Variants in NUGGC observed in about 807,000 individuals in gnomAD.
NUGGC encodes the protein nuclear GTPase, germinal center associated.
In NUGGC, 58 loss-of-function variants were observed where a neutral mutation model predicts 92.6. That is an observed-to-expected ratio of 0.63 (90% confidence interval 0.51 to 0.78). The LOEUF (loss-of-function observed/expected upper bound fraction) is 0.78, where lower values mean the gene tolerates loss of function less well. NUGGC is among the 30% of genes least tolerant of loss of function. The pLI, the probability that NUGGC is intolerant of heterozygous loss-of-function variation, is 0.00. For missense variants in NUGGC, 925 were observed against 964.6 expected (o/e 0.96, Z 0.54); for synonymous variants, 376 against 366.4 (o/e 1.03, Z -0.30).
Position 28,030,370 on chromosome 8 carries a change from T to G in NUGGC, c.1957A>C (p.Arg653=). 1 of 1,582,468 alleles carries G rather than the reference T, an allele frequency of 6.3e-7. No homozygotes were observed. The highest frequency in any genetic ancestry group is 1.2e-5 in the South Asian group (1 of 86,062). ...GLEDHILRRK[R]RIYESLTASV... Reference sequence around the variant, plus strand: ...GCAGTGAGGGACTCGTAGATCCTCCTCTTCCTTCTGAGGATGTGGTCCTCC... The same window carrying G: ...GCAGTGAGGGACTCGTAGATCCTCCGCTTCCTTCTGAGGATGTGGTCCTCC... The change falls in exon 16 of 19, where the codon AGG becomes CGG. Residue 653 remains arginine, a synonymous_variant. Transcript: ENST00000413272.
intron 2 of NUGGC, 38 bp from the exon 3 acceptor site, chr8:28,070,394 TG>T (rs1810558733): frequency 4.4e-6 from 5 of 1,131,250 alleles, no homozygotes; most frequent in Middle Eastern, 2.5e-4. Context: ...TTATAGGTGT[TG>T]GGGTATGGTA....
chr8:28,074,073 A>G (rs1415344528), intron 2 of NUGGC, among the ~76,000 whole-genome samples: 2 of 150,098 alleles, frequency 1.3e-5, no homozygotes, highest in Non-Finnish European at 3.0e-5. Flanking sequence ...TGCTGGGATT[A>G]CAGGTGTGAG....
At chr8:28,069,397 G>T (rs541280462) in intron 4 of NUGGC, 147 bp downstream of exon 4, 2 of 580,216 alleles carry the variant, frequency 3.4e-6, no homozygotes, top group Non-Finnish European at 6.1e-6. Flanking sequence ...TCAATGAATG[G>T]CAACTATCCC....
Position 28,067,564 on chromosome 8 carries a change from G to A in NUGGC, c.661C>T (p.Pro221Ser). 6.2e-7 allele frequency: 1 copy of A among 1,613,196 alleles called. No individual in the cohort carries two copies. Among genetic ancestry groups the A allele is most frequent in the East Asian group, 2.2e-5 (1 of 44,876 alleles). The change falls in exon 6 of 19, where the codon CCC becomes TCC. Residue 221 changes from proline (P) to serine (S), a missense_variant. Physicochemically the swap from Pro to Ser is moderately conservative, Grantham distance 74. Coordinates refer to ENST00000413272, the MANE Select transcript of NUGGC (RefSeq NM_001010906.2). ...KNYEELLRAK[P>S]KRKIPTSRVI... The stretch of plus-strand genomic sequence containing the variant: ...CTGGAGGTGGGGATCTTCCTTTTGG[G>A]CTTCGCCCTCAGTAACTCCTCATAG...
chr8:28,026,169 G>A (rs1301276608), intron 18 of NUGGC, among the ~76,000 whole-genome samples: 1 of 152,012 alleles, frequency 6.6e-6, no homozygotes, highest in African/African-American at 2.4e-5. Flanking sequence ...AATTTAATTT[G>A]AGCAGTGCTT....
At chr8:28,038,787 G>A (rs972215181) in intron 13 of NUGGC, among the ~76,000 whole-genome samples, 1 of 152,140 alleles carries the variant, frequency 6.6e-6, no homozygotes, top group Non-Finnish European at 1.5e-5. Flanking sequence ...GCAGGAGTTG[G>A]GTGTCAAATT....
At chr8:28,063,474 G>T (rs999129970) in intron 7 of NUGGC, among the ~76,000 whole-genome samples, 1 of 152,158 alleles carries the variant, frequency 6.6e-6, no homozygotes, top group Non-Finnish European at 1.5e-5. Flanking sequence ...AGAAACTAAG[G>T]CTCACAAGGC....
At chr8:28,054,203 C>T (rs1454459532) in intron 10 of NUGGC, among the ~76,000 whole-genome samples, 1 of 152,200 alleles carries the variant, frequency 6.6e-6, no homozygotes, top group East Asian at 1.9e-4. Flanking sequence ...TATTATAGGC[C>T]AGACGTGGTG....
At chr8:28,083,368 T>C (rs533908736) in intron 1 of NUGGC, among the ~76,000 whole-genome samples, 1 of 152,220 alleles carries the variant, frequency 6.6e-6, no homozygotes, top group South Asian at 2.1e-4. Flanking sequence ...AGGAGAAGCC[T>C]ACAAAATACC....
At chr8:28,057,917 C>T (rs1226817797) in intron 9 of NUGGC, among the ~76,000 whole-genome samples, 3 of 152,068 alleles carry the variant, frequency 2.0e-5, no homozygotes, top group Admixed American at 6.6e-5. Context: ...TCAGGCCGGG[C>T]GCGGTGGCTC....
chr8:28,045,314 A>AGGTAAAATATTACTCCTTTCTCATTTT (rs1809801821), intron 12 of NUGGC, among the ~76,000 whole-genome samples: 10 of 152,178 alleles, frequency 6.6e-5, no homozygotes, highest in Admixed American at 6.5e-4. Flanking sequence ...CTCTCAGCCC[A>AGGTAAAATATTACTCCTTTCTCATTTT]TCTGTCCCAG....
At chr8:28,070,546 T>C (rs561283370) in intron 2 of NUGGC, among the ~76,000 whole-genome samples, 190 bp from the exon 3 acceptor site, 2 of 151,426 alleles carry the variant, frequency 1.3e-5, no homozygotes, top group Admixed American at 1.3e-4. Context: ...AGGTCAGGAG[T>C]TCGAGACATG....
intron 10 of NUGGC, among the ~76,000 whole-genome samples, chr8:28,055,062 G>C (rs1358314154): frequency 6.6e-6 from 1 of 151,378 alleles, no homozygotes; most frequent in Admixed American, 6.6e-5. Context: ...TGACCAGCCT[G>C]GTCAACATGG....
At chr8:28,072,466 CTT>C in intron 2 of NUGGC, among the ~76,000 whole-genome samples, 1 of 152,080 alleles carries the variant, frequency 6.6e-6, no homozygotes, top group East Asian at 1.9e-4. Context: ...GGGATGTAGA[CTT>C]TGTAACTCAG....
In NUGGC at chr8:28,070,347, T is replaced by C. The variant is rs1810557003; in HGVS notation, c.53A>G (p.Asp18Gly). The change falls in exon 3 of 19, where the codon GAT (aspartate) becomes GGT (glycine). Residue 18 changes from aspartate to glycine, a missense_variant. Transcript: ENST00000413272. ...TTTTCTCGTTCGTTCTTTATATAAA[T>C]CATCTTCAACTAGAGATAAACAGAG... is the stretch of plus-strand genomic sequence containing the variant. ...FGQEPHPVEDDLYKERTRKRR... is the reference protein window; with the variant it reads ...FGQEPHPVEDGLYKERTRKRR... 1 of 1,504,062 alleles carries C rather than the reference T, an allele frequency of 6.6e-7. No homozygotes were observed. Among genetic ancestry groups the C allele is most frequent in the African/African-American group, 1.4e-5 (1 of 72,286 alleles). The allele number at this position is 1,504,062 out of a possible 1,614,324, so 93.2% of individuals were successfully genotyped here. A position where few individuals can be genotyped will look rare whatever the true frequency, so the allele number is the denominator to read the frequency against.
At chr8:28,064,084 T>C (rs1031464488) in intron 7 of NUGGC, among the ~76,000 whole-genome samples, 8 of 152,252 alleles carry the variant, frequency 5.3e-5, no homozygotes, top group African/African-American at 1.9e-4. Flanking sequence ...CCCAGGAAGA[T>C]TCACCCTGCC....
chr8:28,074,518 C>G (rs1003275422), intron 1 of NUGGC, 62 bp from the exon 2 acceptor site: 2 of 1,064,966 alleles, frequency 1.9e-6, no homozygotes, highest in Non-Finnish European at 2.8e-6. Context: ...GAAAGCAAAC[C>G]CTAAGGATGT....
rs1268497450 is a variant in NUGGC, at chr8:28,033,520, C to T, written c.1769+20G>A. The T allele has an allele frequency of 1.2e-6, 2 of 1,607,758 alleles. No homozygotes were observed. The highest frequency in any genetic ancestry group is 3.4e-5 in the Admixed American group (2 of 58,778). On this transcript the variant is annotated intron_variant, in intron 14 of 18. Transcript: ENST00000413272. ...CTTCCGATGTTTGTTCCCGAAGGTG[C>T]AAGATGAGAGATCCTTTACCTAAAA...
rs886542965 is a variant in NUGGC, at chr8:28,083,446, C to T, written c.-47+329G>A. ...GAAAGTCTGAGAAACAACGCTACAG[C>T]TAAGAGGAGCCTAAGGGAACATAAC... On this transcript the variant is annotated intron_variant, in intron 1 of 18. Transcript: ENST00000413272. Among the ~76,000 whole-genome samples, 7 of 152,280 alleles carry T rather than the reference C, an allele frequency of 4.6e-5. No homozygotes were observed. In the South Asian group the frequency reaches 8.3e-4, roughly 18 times the overall value.
Sources: gnomAD v4.1 joint callset for allele counts (sites outside exome capture counted in the v4.1 genomes callset) on GRCh38, gnomAD v4.1.1 for gene constraint, MANE v1.5 for transcripts, NCBI Gene and HGNC (gene_info 2026-07-23, HGNC 2026-07-21) for gene names.